Variants in NBAS observed in about 807,000 individuals in gnomAD.
The protein encoded by NBAS is NBAS subunit of NRZ tethering complex.
Under a neutral mutation model 302.5 loss-of-function variants are expected in NBAS, and 219 were observed. That is an observed-to-expected ratio of 0.72 (90% confidence interval 0.65 to 0.81). NBAS has a LOEUF of 0.81. Among genes scored for constraint, NBAS ranks in the 30% least tolerant of loss-of-function variants. The pLI is 0.00. For synonymous variants in NBAS, 1,118 were observed against 1,021.6 expected, an observed-to-expected ratio of 1.09 and a Z score of -1.80; for missense variants, 2,932 against 2,841.6, an observed-to-expected ratio of 1.03 and a Z score of -0.72.
chr2:15,328,386 G>A lies in NBAS; in HGVS notation c.4348-74C>T. On this transcript the variant is annotated intron_variant, in intron 36 of 51. Transcript: ENST00000281513. The stretch of plus-strand genomic sequence containing the variant: ...AAGGAGGTAGAAGAAGTAAAAGCAA[G>A]GAAAGAAGGGAGAGAGGGAGGAAGA... The A allele has an allele frequency of 1.1e-5, 14 of 1,239,900 alleles. 2 individuals carry two copies. The highest frequency in any genetic ancestry group is 4.6e-5 in the East Asian group (2 of 43,096). 76.8% of individuals were successfully genotyped at this position (1,239,900 alleles called of 1,614,324 possible). A position where few individuals can be genotyped will look rare whatever the true frequency, so the allele number is the denominator to read the frequency against.
At chr2:15,425,582 A>C (rs866125558) in intron 22 of NBAS, among the ~76,000 whole-genome samples, 2 of 152,112 alleles carry the variant, frequency 1.3e-5, no homozygotes, top group African/African-American at 4.8e-5. Context: ...GCCTTTGACA[A>C]CCTACTTTGC....
At position 15,396,398 on chromosome 2, in the gene NBAS, T is replaced by C. The variant is rs11888743; in HGVS notation, c.3134+15A>G. 3,813 of 1,591,134 alleles carry C rather than the reference T, an allele frequency of 2.4e-3. 83 individuals are homozygous for C. The African/African-American group carries it at 0.044, about 18-fold the overall frequency. ...AATAAGCATGGAGAAAAAAAAAAAC[T>C]GTCATTTTTCTCACCTGAGAATTTG... is the stretch of plus-strand genomic sequence containing the variant. On this transcript the variant is annotated intron_variant, in intron 27 of 51. Transcript: ENST00000281513.
intron 48 of NBAS, among the ~76,000 whole-genome samples, chr2:15,212,153 T>C (rs562760513): frequency 6.6e-6 from 1 of 152,284 alleles, no homozygotes; most frequent in South Asian, 2.1e-4. Flanking sequence ...TACCCTCTTG[T>C]TTGTTCGCAG....
intron 48 of NBAS, among the ~76,000 whole-genome samples, chr2:15,197,109 A>G (rs1665658961): frequency 1.3e-5 from 2 of 152,230 alleles, no homozygotes; most frequent in Admixed American, 1.3e-4. Flanking sequence ...GTGCAGTAGA[A>G]AGCAAACTAA....
chr2:15,195,484 G>C (rs1340338308), intron 48 of NBAS, among the ~76,000 whole-genome samples: 1 of 152,148 alleles, frequency 6.6e-6, no homozygotes, highest in Non-Finnish European at 1.5e-5. Flanking sequence ...GATTATAAAA[G>C]GGATCCTTGT....
intron 21 of NBAS, among the ~76,000 whole-genome samples, chr2:15,446,341 A>G (rs892039703): frequency 1.3e-5 from 2 of 152,216 alleles, no homozygotes; most frequent in South Asian, 4.1e-4. Flanking sequence ...AGAAACAAAG[A>G]TAAAGAATGA....
rs563048842 is a variant in NBAS, at chr2:15,364,400, G to A, written c.3817+2180C>T. 1.2e-4 allele frequency among the ~76,000 whole-genome samples: 19 copies of A among 152,118 alleles called. No homozygotes were observed. In the South Asian group the frequency reaches 3.9e-3, roughly 32 times the overall value. Reference sequence around the variant, plus strand: ...TACAAAATTAGCTGGGTGTGGTGGCGCATGCCTGTAATCCCAGCTACTCGG... The same window carrying A: ...TACAAAATTAGCTGGGTGTGGTGGCACATGCCTGTAATCCCAGCTACTCGG... On this transcript the variant is annotated intron_variant, in intron 32 of 51. Transcript: ENST00000281513.
At chr2:15,433,419 G>C (rs1270553151) in intron 21 of NBAS, among the ~76,000 whole-genome samples, 4 of 152,058 alleles carry the variant, frequency 2.6e-5, no homozygotes, top group African/African-American at 7.2e-5. Context: ...CAGCAAGAAG[G>C]TTTTTCACAA....
At chr2:14,890,326 T>A in the NBAS span, among the ~76,000 whole-genome samples, 4 of 152,212 alleles carry the variant, frequency 2.6e-5, no homozygotes, top group Admixed American at 1.3e-4. Flanking sequence ...GAAATTTCCA[T>A]ATCTTCTACA....
chr2:15,183,153 C>T (rs769295713), intron 50 of NBAS, among the ~76,000 whole-genome samples: 3 of 152,090 alleles, frequency 2.0e-5, no homozygotes, highest in Non-Finnish European at 4.4e-5. Flanking sequence ...GTAAAATAAA[C>T]TTAAAAAGAT....
chr2:15,064,764 C>A, the NBAS span, among the ~76,000 whole-genome samples: 7 of 152,094 alleles, frequency 4.6e-5, no homozygotes, highest in Admixed American at 1.3e-4. Context: ...AAAGGCACTA[C>A]CAAAAACGAA....
chr2:15,431,924 C>T (rs1677785321), intron 21 of NBAS, among the ~76,000 whole-genome samples: 1 of 151,930 alleles, frequency 6.6e-6, no homozygotes, highest in Non-Finnish European at 1.5e-5. Context: ...CTGTTCTTAC[C>T]TTTTAAAAAC....
In NBAS at chr2:15,464,359, C is replaced by T. The variant is rs959970052; in HGVS notation, c.2098-2568G>A. ...ATTAGATGAGAAATCCCTCATTTTT[C>T]CAACCCACCAAAACTACACACCTAC... On this transcript the variant is annotated intron_variant, in intron 19 of 51. Coordinates refer to ENST00000281513, the MANE Select transcript of NBAS (RefSeq NM_015909.4). 2.0e-5 allele frequency among the ~76,000 whole-genome samples: 3 copies of T among 151,918 alleles called. No individual in the cohort carries two copies. The South Asian group carries it at 6.2e-4, about 32-fold the overall frequency.
chr2:15,082,865 C>T, the NBAS span, among the ~76,000 whole-genome samples: 3 of 152,224 alleles, frequency 2.0e-5, no homozygotes, highest in Non-Finnish European at 4.4e-5. Context: ...TGAGGAGTCA[C>T]AAGACATGCC....
chr2:15,050,278 CT>C, the NBAS span, among the ~76,000 whole-genome samples: 6 of 152,146 alleles, frequency 3.9e-5, no homozygotes, highest in Middle Eastern at 3.4e-3. Context: ...TTTTCTTTCT[CT>C]TTTTTTCTTT....
intron 47 of NBAS, among the ~76,000 whole-genome samples, chr2:15,219,698 A>C (rs1249071006): frequency 6.5e-5 from 9 of 137,882 alleles, no homozygotes; most frequent in African/African-American, 2.5e-4. Flanking sequence ...GTACAGAACA[A>C]AATGAAAAGT....
intron 21 of NBAS, among the ~76,000 whole-genome samples, chr2:15,439,197 G>A (rs1288414902): frequency 6.6e-6 from 1 of 151,818 alleles, no homozygotes; most frequent in South Asian, 2.1e-4. Context: ...CAGCTACTTG[G>A]GAGGCTGAGG....
At chr2:15,407,256 CCTGAGG>C (rs1358727831) in intron 25 of NBAS, among the ~76,000 whole-genome samples, 2 of 152,136 alleles carry the variant, frequency 1.3e-5, no homozygotes, top group East Asian at 3.8e-4. Context: ...CTTTTCACTT[CCTGAGG>C]ACCATAGACC....
At chr2:15,461,883 C>A in intron 19 of NBAS, 92 bp from the exon 20 acceptor site, 1 of 736,440 alleles carries the variant, frequency 1.4e-6, no homozygotes, top group Non-Finnish European at 2.4e-6. Flanking sequence ...ACTCTGCCTG[C>A]CTAAATAAAT....
Sources: allele counts gnomAD v4.1 joint callset (sites outside exome capture counted in the v4.1 genomes callset), GRCh38; gene constraint gnomAD v4.1.1; transcripts MANE v1.5; gene names NCBI Gene and HGNC (gene_info 2026-07-23, HGNC 2026-07-21).